The following SGCD variants were observed in gnomAD, a reference collection of about 807,000 sequenced individuals.
SGCD encodes the protein sarcoglycan delta, also known as delta-sarcoglycan.
In SGCD, 18 loss-of-function variants were observed where a neutral mutation model predicts 36.6. That is an observed-to-expected ratio of 0.49 (90% CI 0.34 to 0.73). SGCD has a LOEUF of 0.73. SGCD is among the 30% of genes least tolerant of loss of function. SGCD has a pLI of 0.01. For missense variants in SGCD, 387 were observed against 346.7 expected (o/e 1.12, Z -0.92); for synonymous variants, 133 against 130.6 (o/e 1.02, Z -0.12).
intron 4 of SGCD, among the ~76,000 whole-genome samples, chr5:156,566,622 CCT>C (rs894698136): frequency 2.6e-5 from 4 of 151,952 alleles, no homozygotes; most frequent in Non-Finnish European, 4.4e-5. Flanking sequence ...TTAATAAACC[CCT>C]GTTTTTCTTT....
rs942330870 is a variant in SGCD at position 156,763,403 on chromosome 5, G to C, written c.*4013G>C. The C allele has an allele frequency of 6.6e-6, 1 of 152,606 alleles. No homozygotes were observed. The highest frequency in any genetic ancestry group is 2.4e-5 in the African/African-American group (1 of 41,436). 9.5% of individuals were successfully genotyped at this position (152,606 alleles called of 1,614,324 possible). On this transcript the variant is annotated 3_prime_UTR_variant, in exon 9 of 9. Coordinates refer to ENST00000337851, the MANE Select transcript of SGCD (RefSeq NM_000337.6). The stretch of plus-strand genomic sequence containing the variant: ...CACACCAGGCTTGAAGAGTTAGTGA[G>C]ACCAACAAATAATTGGAAGTATTGG...
the SGCD span, among the ~76,000 whole-genome samples, chr5:155,796,945 A>G: frequency 6.6e-6 from 1 of 152,100 alleles, no homozygotes; most frequent in Non-Finnish European, 1.5e-5. Context: ...GAAAAAAGCA[A>G]ATGTATAATA....
intron 6 of SGCD, among the ~76,000 whole-genome samples, chr5:156,607,610 C>T (rs1251246152): frequency 6.6e-6 from 1 of 152,190 alleles, no homozygotes; most frequent in African/African-American, 2.4e-5. Flanking sequence ...GGAATAGTTT[C>T]AGAAGGAATG....
chr5:156,729,993 T>C (rs1561881432), intron 7 of SGCD, among the ~76,000 whole-genome samples: 1 of 152,190 alleles, frequency 6.6e-6, no homozygotes, highest in Non-Finnish European at 1.5e-5. Context: ...AGAGGCAAGT[T>C]AAAAATTTTT....
chr5:155,773,752 G>A, the SGCD span, among the ~76,000 whole-genome samples: 1 of 152,130 alleles, frequency 6.6e-6, no homozygotes, highest in Admixed American at 6.6e-5. Flanking sequence ...TTTGGATCAA[G>A]GGTTGAAGAG....
At chr5:156,615,977 T>G (rs1412958724) in intron 6 of SGCD, among the ~76,000 whole-genome samples, 1 of 152,194 alleles carries the variant, frequency 6.6e-6, no homozygotes, top group African/African-American at 2.4e-5. Context: ...GGGTCTCACT[T>G]GGTTGTGATA....
At chr5:156,322,184 G>A (rs4705002), upstream of SGCD, among the ~76,000 whole-genome samples, 1 of 151,976 alleles carries the variant, frequency 6.6e-6, no homozygotes, top group Admixed American at 6.5e-5. Context: ...ATAAATGTAC[G>A]AATGGCTTAT....
chr5:156,185,483 G>A (rs1365893347), intron 3 of SGCD, among the ~76,000 whole-genome samples: 1 of 151,870 alleles, frequency 6.6e-6, no homozygotes, highest in Non-Finnish European at 1.5e-5. Flanking sequence ...CAAAGTGCTG[G>A]GATTACAGAT....
intron 3 of SGCD, among the ~76,000 whole-genome samples, chr5:156,458,735 C>G (rs376686630): frequency 1.3e-5 from 2 of 152,204 alleles, no homozygotes; most frequent in Non-Finnish European, 2.9e-5. Context: ...ACCAACATCA[C>G]GATCATCCAC....
intron 1 of SGCD, among the ~76,000 whole-genome samples, chr5:156,031,950 T>C (rs1426936570): frequency 6.6e-6 from 1 of 152,158 alleles, no homozygotes; most frequent in Non-Finnish European, 1.5e-5. Context: ...ATATGATAAG[T>C]CATAGCCATA....
intron 3 of SGCD, among the ~76,000 whole-genome samples, chr5:156,223,419 A>G (rs1290593889): frequency 6.6e-6 from 1 of 152,110 alleles, no homozygotes; most frequent in Non-Finnish European, 1.5e-5. Flanking sequence ...GCCTGCTATG[A>G]TGTAAGCAAG....
chr5:156,349,393 A>G (rs1038954681), intron 3 of SGCD, among the ~76,000 whole-genome samples: 3 of 150,868 alleles, frequency 2.0e-5, no homozygotes, highest in African/African-American at 7.4e-5. Context: ...AGGAACTCTA[A>G]ACAAGAAAAA....
intron 3 of SGCD, among the ~76,000 whole-genome samples, chr5:156,257,651 G>A (rs1765750064): frequency 6.6e-6 from 1 of 152,062 alleles, no homozygotes; most frequent in Non-Finnish European, 1.5e-5. Flanking sequence ...GTCATTGGAG[G>A]TCAGGAGTTT....
chr5:156,200,319 A>G (rs771263209), intron 3 of SGCD, among the ~76,000 whole-genome samples: 1 of 152,172 alleles, frequency 6.6e-6, no homozygotes, highest in Non-Finnish European at 1.5e-5. Flanking sequence ...AGACAGATAC[A>G]TAGACAAATG....
At chr5:156,243,541 G>C (rs1427024965) in intron 3 of SGCD, among the ~76,000 whole-genome samples, 1 of 152,086 alleles carries the variant, frequency 6.6e-6, no homozygotes, top group Non-Finnish European at 1.5e-5. Flanking sequence ...AATTTGTTAT[G>C]TTTTATATAT....
intron 3 of SGCD, among the ~76,000 whole-genome samples, chr5:156,453,060 A>G (rs1754094234): frequency 6.6e-6 from 1 of 152,176 alleles, no homozygotes; most frequent in African/African-American, 2.4e-5. Flanking sequence ...TGAATATTGT[A>G]TTCTAAAAAT....
intron 3 of SGCD, among the ~76,000 whole-genome samples, chr5:156,257,214 C>T (rs1304762651): frequency 1.3e-5 from 2 of 152,012 alleles, no homozygotes; most frequent in Non-Finnish European, 1.5e-5. Flanking sequence ...GTGGCTCACG[C>T]CTGTAATCTC....
the SGCD span, among the ~76,000 whole-genome samples, chr5:155,815,329 A>G: frequency 6.6e-6 from 1 of 152,216 alleles, no homozygotes; most frequent in Non-Finnish European, 1.5e-5. Flanking sequence ...CTCAACATAA[A>G]GTTAAAATCC....
At chr5:155,767,260 GGACCCTCCATGGGGCGGCCTGAGGAA>G in the SGCD span, among the ~76,000 whole-genome samples, 2 of 152,204 alleles carry the variant, frequency 1.3e-5, no homozygotes, top group Non-Finnish European at 2.9e-5. Flanking sequence ...TGGCTGAGGA[GGACCCTCCATGGGGCGGCCTGAGGAA>G]GACATGTCAG....
Sources: allele counts gnomAD v4.1 joint callset (sites outside exome capture counted in the v4.1 genomes callset), GRCh38; gene constraint gnomAD v4.1.1; transcripts MANE v1.5; gene names NCBI Gene and HGNC (gene_info 2026-07-23, HGNC 2026-07-21).